The following KDM4C variants were observed in gnomAD, a reference collection of about 807,000 sequenced individuals.
KDM4C encodes the protein lysine demethylase 4C, also known as lysine-specific demethylase 4C.
In KDM4C, 81 loss-of-function variants were observed where a neutral mutation model predicts 129.3. The ratio of observed to expected loss-of-function variants is 0.63; its 90% CI spans 0.52 to 0.75. KDM4C has a LOEUF of 0.75. Ranked by LOEUF, KDM4C falls within the 30% of genes least tolerant of loss-of-function variation. The pLI, the probability that KDM4C is intolerant of heterozygous loss-of-function variation, is 0.00. For synonymous variants in KDM4C, 573 were observed against 456.1 expected (o/e 1.26, Z -3.26); for missense variants, 1,457 against 1,304.0 (o/e 1.12, Z -1.81).
intron 1 of KDM4C, among the ~76,000 whole-genome samples, chr9:6,775,005 C>T (rs1822696296): frequency 6.6e-6 from 1 of 152,076 alleles, no homozygotes; most frequent in African/African-American, 2.4e-5. Flanking sequence ...TTCTGAGATT[C>T]ATCCATATTT....
chr9:7,102,616 G>GAAGTTAGAAGTTAGAAGTTAGAA (rs1837231285), intron 17 of KDM4C, among the ~76,000 whole-genome samples: 1 of 152,082 alleles, frequency 6.6e-6, no homozygotes, highest in African/African-American at 2.4e-5. Context: ...TCAGATGTGA[G>GAAGTTAGAAGTTAGAAGTTAGAA]GACACGAAGA....
intron 1 of KDM4C, among the ~76,000 whole-genome samples, chr9:6,737,050 CA>C (rs566235532): frequency 0.04 from 1,472 of 36,462 alleles, 34 homozygotes; most frequent in African/African-American, 0.12. Flanking sequence ...GATTCTGTCT[CA>C]AAAAAAAAAA....
At chr9:7,165,412 G>C in intron 20 of KDM4C, 55 bp downstream of exon 20, 3 of 1,583,874 alleles carry the variant, frequency 1.9e-6, no homozygotes, top group Non-Finnish European at 8.6e-7. Flanking sequence ...AAGTCAGAAG[G>C]AGATAGTATC....
At chr9:6,845,633 A>G (rs964131502) in intron 4 of KDM4C, among the ~76,000 whole-genome samples, 13 of 152,190 alleles carry the variant, frequency 8.5e-5, no homozygotes, top group Non-Finnish European at 1.5e-4. Flanking sequence ...TCGTGGTCCA[A>G]TTGTGAGTTG....
chr9:6,994,973 G>A (rs73639491), intron 12 of KDM4C, among the ~76,000 whole-genome samples: 8,026 of 152,094 alleles, frequency 0.053, 339 homozygotes, highest in East Asian at 0.25. Flanking sequence ...GTGACATTAC[G>A]TTGGGTCAGT....
intron 4 of KDM4C, among the ~76,000 whole-genome samples, chr9:6,825,521 C>G (rs1833745051): frequency 6.6e-6 from 1 of 152,174 alleles, no homozygotes; most frequent in African/African-American, 2.4e-5. Flanking sequence ...AAGAACGAAT[C>G]ACCTTCAGAG....
At chr9:7,025,099 A>T (rs1190268678) in intron 15 of KDM4C, among the ~76,000 whole-genome samples, 3 of 152,226 alleles carry the variant, frequency 2.0e-5, no homozygotes, top group Middle Eastern at 3.4e-3. Flanking sequence ...TGACCTCTTT[A>T]TTATTATATA....
intron 5 of KDM4C, among the ~76,000 whole-genome samples, chr9:6,857,443 G>C (rs1010757159): frequency 6.6e-6 from 1 of 152,144 alleles, no homozygotes; most frequent in South Asian, 2.1e-4. Flanking sequence ...AATATTTATT[G>C]ATCAAGTGGA....
chr9:6,929,834 T>C (rs1220970390), intron 8 of KDM4C, among the ~76,000 whole-genome samples: 1 of 152,198 alleles, frequency 6.6e-6, no homozygotes, highest in Non-Finnish European at 1.5e-5. Context: ...GAAGGCTTCT[T>C]TCAAATGTTT....
chr9:6,728,390 T>C (rs1456167275), intron 1 of KDM4C, among the ~76,000 whole-genome samples: 1 of 151,352 alleles, frequency 6.6e-6, no homozygotes, highest in Non-Finnish European at 1.5e-5. Context: ...AAAAATTAGC[T>C]GGGCACAGTG....
chr9:6,725,749 G>C (rs1563910696), intron 1 of KDM4C, among the ~76,000 whole-genome samples: 2 of 133,844 alleles, frequency 1.5e-5, no homozygotes, highest in African/African-American at 5.6e-5. Context: ...TGGATCTGTT[G>C]CCCAGGCTGG....
intron 8 of KDM4C, among the ~76,000 whole-genome samples, chr9:6,975,186 A>G (rs1832719808): frequency 6.6e-6 from 1 of 152,240 alleles, no homozygotes; most frequent in Non-Finnish European, 1.5e-5. Context: ...CAGAGAAATT[A>G]ATCTGAACCT....
intron 2 of KDM4C, among the ~76,000 whole-genome samples, chr9:6,803,947 C>G (rs532588060): frequency 1.3e-5 from 2 of 151,988 alleles, no homozygotes; most frequent in Admixed American, 1.3e-4. Flanking sequence ...CTCAGCCTCT[C>G]GAGTACCTGG....
intron 12 of KDM4C, among the ~76,000 whole-genome samples, chr9:7,004,347 A>G (rs1045935627): frequency 6.6e-6 from 1 of 152,222 alleles, no homozygotes; most frequent in African/African-American, 2.4e-5. Flanking sequence ...AGCAGTTTTT[A>G]AAAAACTTTT....
chr9:6,837,176 G>A (rs1470975026), intron 4 of KDM4C, among the ~76,000 whole-genome samples: 1 of 152,096 alleles, frequency 6.6e-6, no homozygotes, highest in African/African-American at 2.4e-5. Context: ...TCCCACCTCA[G>A]CCTCCTGAGT....
intron 18 of KDM4C, among the ~76,000 whole-genome samples, chr9:7,113,063 T>G (rs1437410512): frequency 6.6e-6 from 1 of 152,208 alleles, no homozygotes; most frequent in Non-Finnish European, 1.5e-5. Context: ...AATGGCCTGC[T>G]GAATTTGCAG....
intron 8 of KDM4C, among the ~76,000 whole-genome samples, chr9:6,965,821 G>A (rs1285716936): frequency 2.0e-5 from 3 of 152,070 alleles, no homozygotes; most frequent in Non-Finnish European, 2.9e-5. Flanking sequence ...CACAGTAATC[G>A]GATTATCCAA....
chr9:6,970,437 A>G (rs1342987770), intron 8 of KDM4C, among the ~76,000 whole-genome samples: 2 of 152,354 alleles, frequency 1.3e-5, no homozygotes, highest in East Asian at 3.9e-4. Flanking sequence ...TACTGTGGAC[A>G]TATTGCTGTA....
chr9:7,028,586 C>T (rs140366790), intron 15 of KDM4C, among the ~76,000 whole-genome samples: 5 of 152,112 alleles, frequency 3.3e-5, no homozygotes, highest in East Asian at 3.9e-4. Context: ...TCAGCTGCCT[C>T]GACTGGTGTC....
Sources: allele counts gnomAD v4.1 joint callset (sites outside exome capture counted in the v4.1 genomes callset), GRCh38; gene constraint gnomAD v4.1.1; transcripts MANE v1.5; gene names NCBI Gene and HGNC (gene_info 2026-07-23, HGNC 2026-07-21).